KIAA1217: variants seen among roughly 807,000 people sequenced by gnomAD.
The protein encoded by KIAA1217 is KIAA1217, also known as sickle tail protein homolog.
KIAA1217 carries 88 observed loss-of-function variants against 163.9 expected under a neutral mutation model. The ratio of observed to expected loss-of-function variants is 0.54; its 90% CI spans 0.45 to 0.64. The LOEUF (loss-of-function observed/expected upper bound fraction) is 0.64. Ranked by LOEUF, KIAA1217 falls within the 30% of genes least tolerant of loss-of-function variation. KIAA1217 has a pLI of 0.00. For missense variants in KIAA1217, 2,372 were observed against 2,475.0 expected, an observed-to-expected ratio of 0.96 and a Z score of 0.88; for synonymous variants, 903 against 923.1, an observed-to-expected ratio of 0.98 and a Z score of 0.39.
Position 24,543,611 on chromosome 10 carries a change from C to T in KIAA1217, c.4341C>T (p.Phe1447=), listed in dbSNP as rs140457046. 1.6e-3 allele frequency: 2,509 copies of T among 1,613,942 alleles called. 2 individuals are homozygous for T. The highest frequency in any genetic ancestry group is 2.0e-3 in the Non-Finnish European group (2,325 of 1,180,024). ...CLDKKPVIII[F]DEPMDIRSAY... ...ACAAGAAACCAGTGATCATCATTTT[C>T]GATGAGCCCATGGACATCCGGTCTG... The change falls in exon 19 of 21, where the codon TTC becomes TTT. Residue 1447 remains phenylalanine (F), a synonymous_variant. Transcript: ENST00000376454.
chr10:24,064,483 A>C (rs1240718913), intron 2 of KIAA1217, among the ~76,000 whole-genome samples: 1 of 152,112 alleles, frequency 6.6e-6, no homozygotes, highest in Non-Finnish European at 1.5e-5. Context: ...GCATCCCAGG[A>C]ATGAAGCCCA....
At position 23,982,529 on chromosome 10, in the gene KIAA1217, TTCTCTCTCTCTCTC is replaced by T. The variant is rs59075123; in HGVS notation, c.-320-24657_-320-24644del. 9.3e-3 allele frequency among the ~76,000 whole-genome samples: 683 copies of T among 73,624 alleles called. 12 individuals are homozygous for T. Among genetic ancestry groups the T allele is most frequent in the African/African-American group, 0.03 (593 of 19,842 alleles). 48.3% of individuals were successfully genotyped at this position (73,624 alleles called of 152,430 possible). ...TCCTCTGTATTGCTCTGTTTTTTGTTTCTCTCTCTCTCTCTCTCTCTCTCTCTCTCTCTCTCTCT... is the reference window on the plus strand; with the variant it reads ...TCCTCTGTATTGCTCTGTTTTTTGTTTCTCTCTCTCTCTCTCTCTCTCTCT... On this transcript the variant is annotated intron_variant, in intron 1 of 18. Coordinates refer to the KIAA1217 transcript ENST00000376462.
chr10:24,022,585 A>C (rs943516914), intron 2 of KIAA1217, among the ~76,000 whole-genome samples: 1 of 151,814 alleles, frequency 6.6e-6, no homozygotes, highest in African/African-American at 2.4e-5. Context: ...GACTTACTAT[A>C]TGATCCAGCA....
chr10:24,177,299 T>TAAATA (rs1554894744), intron 2 of KIAA1217, among the ~76,000 whole-genome samples: 1 of 46,912 alleles, frequency 2.1e-5, no homozygotes, highest in African/African-American at 8.6e-5. Flanking sequence ...ATATATATAT[T>TAAATA]ACAATTTCTT....
At chr10:24,216,773 G>A (rs1285969733) in intron 1 of KIAA1217, among the ~76,000 whole-genome samples, 1 of 148,266 alleles carries the variant, frequency 6.7e-6, no homozygotes, top group Admixed American at 6.8e-5. Context: ...GTTGCAGTGA[G>A]CTGAGATCGC....
Position 24,543,641 on chromosome 10 carries a change from TAA to T in KIAA1217, c.4372_4373del (p.Lys1458GlufsTer7). 6.2e-7 allele frequency: 1 copy of T among 1,614,106 alleles called. No individual in the cohort carries two copies. The highest frequency in any genetic ancestry group is 8.5e-7 in the Non-Finnish European group (1 of 1,180,026). ...AGCCCATGGACATCCGGTCTGCCTA[TAA>T]GAGACTTTCAACTATCTTTGAGGAA... The part of the protein sequence containing the change: ...DEPMDIRSAY[K>X]RLSTIFEECD... On this transcript the variant is annotated frameshift_variant, in exon 19 of 21. Coordinates refer to ENST00000376454, the MANE Select transcript of KIAA1217 (RefSeq NM_019590.5). LOFTEE classifies it high-confidence loss of function.
chr10:24,544,525 T>C lies in KIAA1217; in HGVS notation c.5211+44T>C, dbSNP rs187238855. ...AAATGAAAAGACCCAGCTGCTTTCC[T>C]AAATCTGCCATAATCACCATTAGTG... On this transcript the variant is annotated intron_variant, in intron 19 of 20. Coordinates refer to ENST00000376454, the MANE Select transcript of KIAA1217 (RefSeq NM_019590.5). 15 of 1,556,530 alleles carry C rather than the reference T, an allele frequency of 9.6e-6. No individual in the cohort carries two copies. The African/African-American group carries it at 2.1e-4, about 21-fold the overall frequency.
intron 2 of KIAA1217, among the ~76,000 whole-genome samples, chr10:24,321,776 G>T (rs973556429): frequency 6.6e-6 from 1 of 152,074 alleles, no homozygotes; most frequent in South Asian, 2.1e-4. Flanking sequence ...GGGAGATGGG[G>T]ATTTACTGTT....
At chr10:24,113,570 A>G (rs1396474629) in intron 2 of KIAA1217, among the ~76,000 whole-genome samples, 1 of 152,192 alleles carries the variant, frequency 6.6e-6, no homozygotes, top group African/African-American at 2.4e-5. Context: ...AAATCACTGG[A>G]AAGGCTAGAA....
Position 24,544,173 on chromosome 10 carries a change from G to C in KIAA1217, c.4903G>C (p.Glu1635Gln). The change falls in exon 19 of 21, where the codon GAA becomes CAA. Residue 1635 changes from glutamate (E) to glutamine (Q), a missense_variant. Physicochemically the swap from Glu to Gln is conservative, Grantham distance 29. Coordinates refer to ENST00000376454, the MANE Select transcript of KIAA1217 (RefSeq NM_019590.5). ...TAGGTCTCAACCTGAAGACACCCCT[G>C]AAAACACAGTGAGGAGGCAAGAGCA... ...IARSQPEDTP[E>Q]NTVRRQEQPS... 6.2e-7 allele frequency: 1 copy of C among 1,614,082 alleles called. No homozygotes were observed. The highest frequency in any genetic ancestry group is 8.5e-7 in the Non-Finnish European group (1 of 1,180,018).
intron 1 of KIAA1217, among the ~76,000 whole-genome samples, chr10:23,968,048 C>T (rs756237459): frequency 1.3e-5 from 2 of 151,702 alleles, no homozygotes; most frequent in East Asian, 3.9e-4. Flanking sequence ...CTGCAACTAT[C>T]AACCCGAATT....
At chr10:24,369,520 G>A (rs1184853662) in intron 2 of KIAA1217, among the ~76,000 whole-genome samples, 2 of 152,070 alleles carry the variant, frequency 1.3e-5, no homozygotes, top group Non-Finnish European at 2.9e-5. Flanking sequence ...TCTTTGGTTT[G>A]GCAACAATGC....
chr10:23,722,422 G>A (rs375424137), intron 1 of KIAA1217, among the ~76,000 whole-genome samples: 1 of 151,886 alleles, frequency 6.6e-6, no homozygotes. Flanking sequence ...GATATGAAAA[G>A]AATGGTTTTA....
At chr10:23,957,269 C>G (rs1484882986) in intron 1 of KIAA1217, among the ~76,000 whole-genome samples, 1 of 152,188 alleles carries the variant, frequency 6.6e-6, no homozygotes, top group Non-Finnish European at 1.5e-5. Context: ...TCCAGTGTCA[C>G]TTGCTGTCAG....
chr10:23,992,043 A>G (rs1201030033), intron 1 of KIAA1217, among the ~76,000 whole-genome samples: 1 of 152,180 alleles, frequency 6.6e-6, no homozygotes, highest in African/African-American at 2.4e-5. Context: ...GTTGCCCCCC[A>G]AAACGCATCA....
Position 24,380,912 on chromosome 10 carries a change from TG to T in KIAA1217, c.401del (p.Gly134ValfsTer40). ...TCTCACAGTCCTCAACCACCCAGTC[TG>T]GGTGACCCGGTCGAGCATTTATCAG... ...KLSHSPQPPS[L>X]GDPVEHLSET... On this transcript the variant is annotated frameshift_variant, in exon 3 of 21. Transcript: ENST00000376454. LOFTEE classifies it high-confidence loss of function. 6.2e-7 allele frequency: 1 copy of T among 1,601,420 alleles called. No homozygotes were observed. Among genetic ancestry groups the T allele is most frequent in the Non-Finnish European group, 8.5e-7 (1 of 1,172,932 alleles).
chr10:23,931,751 A>T (rs1843260097), intron 1 of KIAA1217, among the ~76,000 whole-genome samples: 1 of 152,192 alleles, frequency 6.6e-6, no homozygotes, highest in Non-Finnish European at 1.5e-5. Flanking sequence ...TATATGGCAG[A>T]TATGCAGTTT....
Position 24,299,979 on chromosome 10 carries a change from G to T in KIAA1217, c.354+80070G>T, listed in dbSNP as rs552565146. The stretch of plus-strand genomic sequence containing the variant: ...CTCCTAGATTCTTTACTGCTTGTTC[G>T]ATTCCAGATGCAAGAGATATAGCTT... On this transcript the variant is annotated intron_variant, in intron 2 of 20. Transcript: ENST00000376454. Among the ~76,000 whole-genome samples the T allele has an allele frequency of 3.3e-5, 5 of 152,094 alleles. No individual in the cohort carries two copies. The South Asian group carries it at 1.0e-3, about 32-fold the overall frequency.
intron 2 of KIAA1217, among the ~76,000 whole-genome samples, chr10:24,312,870 T>G (rs185309404): frequency 7.2e-5 from 11 of 152,244 alleles, no homozygotes; most frequent in Non-Finnish European, 1.3e-4. Flanking sequence ...GAGCCTTGAT[T>G]GTGCCACTGC....
Sources: gnomAD v4.1 joint callset for allele counts (sites outside exome capture counted in the v4.1 genomes callset) on GRCh38, gnomAD v4.1.1 for gene constraint, MANE v1.5 for transcripts, NCBI Gene and HGNC (gene_info 2026-07-23, HGNC 2026-07-21) for gene names.